PTPRN2: variants seen among roughly 807,000 people sequenced by gnomAD.
The protein encoded by PTPRN2 is receptor-type tyrosine-protein phosphatase N2.
Under a neutral mutation model 118.8 loss-of-function variants are expected in PTPRN2, and 74 were observed. The observed-to-expected ratio is 0.62, with a 90% CI of 0.52 to 0.76. The LOEUF is 0.76. Among genes scored for constraint, PTPRN2 ranks in the 30% least tolerant of loss-of-function variants. PTPRN2 has a pLI of 0.00. For missense variants in PTPRN2, 1,481 were observed against 1,394.4 expected (o/e 1.06, Z -0.99); for synonymous variants, 641 against 608.0 (o/e 1.05, Z -0.80).
intron 12 of PTPRN2, among the ~76,000 whole-genome samples, chr7:157,895,352 G>A (rs1322802550): frequency 6.8e-6 from 1 of 146,148 alleles, no homozygotes; most frequent in Non-Finnish European, 1.5e-5. Context: ...GTCTGAACGA[G>A]TCAATAAAAT....
intron 11 of PTPRN2, among the ~76,000 whole-genome samples, chr7:157,957,429 A>G (rs928819632): frequency 3.9e-5 from 6 of 152,360 alleles, no homozygotes; most frequent in African/African-American, 1.4e-4. Context: ...TCAAAATGCG[A>G]TCAGAGCATT....
At chr7:157,934,522 G>C (rs1190606624) in intron 11 of PTPRN2, among the ~76,000 whole-genome samples, 2 of 152,162 alleles carry the variant, frequency 1.3e-5, no homozygotes, top group Non-Finnish European at 2.9e-5. Context: ...GAAGCCTCTG[G>C]CTTGTAGAAT....
rs773594476 is a variant in PTPRN2, at chr7:158,003,600, G to T, written c.1723+77698C>A. 6.6e-6 allele frequency among the ~76,000 whole-genome samples: 1 copy of T among 152,070 alleles called. No individual in the cohort carries two copies. Among genetic ancestry groups the T allele is most frequent in the African/African-American group, 2.4e-5 (1 of 41,422 alleles). Reference sequence around the variant, plus strand: ...CCAGGAACAAGCCCTGCCCACAGGCGTCCCAGACCCAGGCCTTGGGGACTG... The same window carrying T: ...CCAGGAACAAGCCCTGCCCACAGGCTTCCCAGACCCAGGCCTTGGGGACTG... On this transcript the variant is annotated intron_variant, in intron 11 of 22. Transcript: ENST00000389418. This position sits in a 1 kb window ranked among gnomAD's most constrained non-coding sequence, Gnocchi z 5.0.
intron 12 of PTPRN2, among the ~76,000 whole-genome samples, chr7:157,696,605 T>C (rs1161144573): frequency 1.7e-5 from 2 of 118,946 alleles, no homozygotes; most frequent in Non-Finnish European, 3.5e-5. Context: ...TGGATCTTAG[T>C]AGAGCCCTCA....
Position 158,093,026 on chromosome 7 carries a change from T to C in PTPRN2, c.1644-11649A>G, listed in dbSNP as rs1814322385. 6.6e-6 allele frequency among the ~76,000 whole-genome samples: 1 copy of C among 152,230 alleles called. No individual in the cohort carries two copies. Among genetic ancestry groups the C allele is most frequent in the Non-Finnish European group, 1.5e-5 (1 of 68,040 alleles). On this transcript the variant is annotated intron_variant, in intron 10 of 22. Coordinates refer to ENST00000389418, the MANE Select transcript of PTPRN2 (RefSeq NM_002847.5). The surrounding 1 kb of genome is among the most constrained non-coding windows in gnomAD (Gnocchi z 4.4). ...CTAGCTCCAAATAGTCCAATTCTAATATCAATGCCACCACTAGAATCACAA... is the reference window on the plus strand; with the variant it reads ...CTAGCTCCAAATAGTCCAATTCTAACATCAATGCCACCACTAGAATCACAA...
intron 5 of PTPRN2, among the ~76,000 whole-genome samples, chr7:158,190,212 T>C (rs981280458): frequency 2.0e-5 from 3 of 152,136 alleles, no homozygotes; most frequent in Non-Finnish European, 4.4e-5. Flanking sequence ...AGCTGAGGAC[T>C]CGAGGCACAG....
intron 16 of PTPRN2, among the ~76,000 whole-genome samples, chr7:157,600,430 G>GA (rs1554501743): frequency 2.0e-4 from 31 of 152,190 alleles, no homozygotes; most frequent in African/African-American, 7.2e-4. Context: ...AGATTGACTT[G>GA]TTTTTTTTGA....
chr7:157,879,100 C>T (rs919574390), intron 12 of PTPRN2, among the ~76,000 whole-genome samples: 1 of 145,316 alleles, frequency 6.9e-6, no homozygotes, highest in African/African-American at 2.6e-5. Flanking sequence ...AGTGTGATAC[C>T]GTGCACCCAC....
rs1434076963 is a variant in PTPRN2 at position 157,927,262 on chromosome 7, C to T, written c.1724-28525G>A. Reference sequence around the variant, plus strand: ...AGAGGCCTCGCGTCTTCTGGGACCCCAAAGATAGGAAGCCCCAGGGACCCG... The same window carrying T: ...AGAGGCCTCGCGTCTTCTGGGACCCTAAAGATAGGAAGCCCCAGGGACCCG... On this transcript the variant is annotated intron_variant, in intron 11 of 22. Coordinates refer to ENST00000389418, the MANE Select transcript of PTPRN2 (RefSeq NM_002847.5). Among the ~76,000 whole-genome samples the T allele has an allele frequency of 7.6e-3, 376 of 49,400 alleles. 68 individuals carry two copies. The highest frequency in any genetic ancestry group is 0.011 in the Non-Finnish European group (259 of 23,680). The allele number at this position is 49,400 out of a possible 152,430, so 32.4% of individuals were successfully genotyped here.
chr7:157,974,430 T>G lies in PTPRN2; in HGVS notation c.1724-75693A>C, dbSNP rs563277190. 1.3e-5 allele frequency among the ~76,000 whole-genome samples: 2 copies of G among 152,178 alleles called. No individual in the cohort carries two copies. The highest frequency in any genetic ancestry group is 4.8e-5 in the African/African-American group (2 of 41,448). On this transcript the variant is annotated intron_variant, in intron 11 of 22. Coordinates refer to ENST00000389418, the MANE Select transcript of PTPRN2 (RefSeq NM_002847.5). The surrounding 1 kb of genome is among the most constrained non-coding windows in gnomAD (Gnocchi z 4.0). ...CCTTGGGAGCATGGGGCTGCCCTAC[T>G]GTGGAGTTAGTGGGTCCACTTCGAG...
chr7:158,568,483 T>C (rs1277931314), intron 1 of PTPRN2, among the ~76,000 whole-genome samples: 1 of 151,242 alleles, frequency 6.6e-6, no homozygotes, highest in East Asian at 1.9e-4. Flanking sequence ...GCTTTTAGAG[T>C]AGATTTTCTT....
At chr7:157,882,189 AC>A (rs538589288) in intron 12 of PTPRN2, among the ~76,000 whole-genome samples, 2 of 151,408 alleles carry the variant, frequency 1.3e-5, no homozygotes, top group South Asian at 4.2e-4. Context: ...GCTAGAAAAC[AC>A]CACTCCAAAA....
intron 3 of PTPRN2, among the ~76,000 whole-genome samples, chr7:158,267,050 G>A (rs2001313): frequency 1.8e-4 from 28 of 152,150 alleles, no homozygotes; most frequent in South Asian, 4.1e-4. Context: ...CTGCAGCGTC[G>A]TCTCCAGTGA....
intron 12 of PTPRN2, among the ~76,000 whole-genome samples, chr7:157,715,049 G>A (rs1203005560): frequency 2.6e-5 from 4 of 152,252 alleles, no homozygotes; most frequent in Admixed American, 2.6e-4. Context: ...AGCTTCCTGG[G>A]GAAGAGCTCT....
chr7:157,615,451 C>T lies in PTPRN2; in HGVS notation c.2344+5911G>A, dbSNP rs868158983. The T allele has an allele frequency of 2.3e-5, 11 of 471,090 alleles. No homozygotes were observed. Among genetic ancestry groups the T allele is most frequent in the Middle Eastern group, 3.2e-4 (1 of 3,098 alleles). 29.2% of individuals were successfully genotyped at this position (471,090 alleles called of 1,614,324 possible). ...CGAGGATGAAAAGGAGGTGTTTAGC[C>T]CCGAGCCTCACGTGGAAACATCTGA... On this transcript the variant is annotated intron_variant, in intron 15 of 22. Coordinates refer to ENST00000389418, the MANE Select transcript of PTPRN2 (RefSeq NM_002847.5). The surrounding 1 kb of genome is among the most constrained non-coding windows in gnomAD (Gnocchi z 4.3).
rs1349784991 is a variant in PTPRN2, at chr7:158,544,592, C to T, written c.112+42966G>A. Among the ~76,000 whole-genome samples the T allele has an allele frequency of 6.6e-6, 1 of 151,624 alleles. No individual in the cohort carries two copies. ...CGTGGAGGTTGCAGTGAGCCAAGAT[C>T]GCACCATTGTACTCCAGCCTGGGCA... On this transcript the variant is annotated intron_variant, in intron 1 of 22. Coordinates refer to ENST00000389418, the MANE Select transcript of PTPRN2 (RefSeq NM_002847.5). This position sits in a 1 kb window ranked among gnomAD's most constrained non-coding sequence, Gnocchi z 4.2.
At chr7:158,276,025 G>A (rs1798938754) in intron 3 of PTPRN2, among the ~76,000 whole-genome samples, 1 of 152,160 alleles carries the variant, frequency 6.6e-6, no homozygotes, top group Non-Finnish European at 1.5e-5. Context: ...TGACTCTGCT[G>A]CCTGACTTTT....
intron 6 of PTPRN2, among the ~76,000 whole-genome samples, chr7:158,146,712 C>G (rs1346212335): frequency 7.0e-6 from 1 of 142,618 alleles, no homozygotes; most frequent in African/African-American, 2.7e-5. Flanking sequence ...CAGAGCGAGA[C>G]TCTGCCTCAA....
intron 11 of PTPRN2, among the ~76,000 whole-genome samples, chr7:157,999,113 AAAC>A (rs1343769858): frequency 6.6e-6 from 1 of 151,926 alleles, no homozygotes; most frequent in African/African-American, 2.4e-5. Flanking sequence ...GACCTCCTGT[AAAC>A]GTGAGCCTCA....
Sources: gnomAD v4.1 joint callset for allele counts (sites outside exome capture counted in the v4.1 genomes callset) on GRCh38, gnomAD v4.1.1 for gene constraint, Gnocchi (gnomAD v3.1) non-coding constraint, MANE v1.5 for transcripts, NCBI Gene and HGNC (gene_info 2026-07-23, HGNC 2026-07-21) for gene names.